Variants in MCF2L2 observed in about 807,000 individuals in gnomAD.
MCF2L2 encodes probable guanine nucleotide exchange factor MCF2L2.
In MCF2L2, 102 loss-of-function variants were observed where a neutral mutation model predicts 150.2. The ratio of observed to expected loss-of-function variants is 0.68; its 90% CI spans 0.58 to 0.80. The LOEUF is 0.80. Among genes scored for constraint, MCF2L2 ranks in the 30% least tolerant of loss-of-function variants. The pLI is 0.00. For synonymous variants in MCF2L2, 465 were observed against 491.3 expected, an observed-to-expected ratio of 0.95 and a Z score of 0.71; for missense variants, 1,256 against 1,372.8, an observed-to-expected ratio of 0.91 and a Z score of 1.34.
intron 3 of MCF2L2, chr3:183,376,593 G>T (rs1044187096): frequency 6.6e-6 from 1 of 152,250 alleles, no homozygotes; most frequent in Admixed American, 6.5e-5. Context: ...CCTTCTCACT[G>T]TAGGAATGGA....
At chr3:183,360,802 T>C (rs1712087967) in intron 3 of MCF2L2, among the ~76,000 whole-genome samples, 1 of 151,862 alleles carries the variant, frequency 6.6e-6, no homozygotes, top group Admixed American at 6.6e-5. Context: ...AGACCTCATC[T>C]CTACTAAAAA....
chr3:183,203,876 C>T (rs186529985), intron 25 of MCF2L2, among the ~76,000 whole-genome samples: 16 of 152,296 alleles, frequency 1.1e-4, no homozygotes, highest in Non-Finnish European at 1.9e-4. Context: ...AGATTAACAG[C>T]TGATTTCTAT....
At chr3:183,298,765 G>GCGCGCACGCGCGCGCACACACACACACA in intron 11 of MCF2L2, 1 of 138,500 alleles carries the variant, frequency 7.2e-6, no homozygotes, top group East Asian at 2.3e-4. Context: ...AAACACACAT[G>GCGCGCACGCGCGCGCACACACACACACA]CACACACACA....
intron 10 of MCF2L2, 26 bp from the exon 11 acceptor site, chr3:183,300,222 G>A (rs1258160472): frequency 1.3e-6 from 2 of 1,575,340 alleles, no homozygotes. Context: ...CCACAGCCAG[G>A]CGTCAGAAGT....
intron 5 of MCF2L2, among the ~76,000 whole-genome samples, chr3:183,336,182 T>A (rs1303948300): frequency 1.4e-4 from 20 of 140,742 alleles, no homozygotes; most frequent in Admixed American, 1.4e-3. Context: ...AAAAATATTA[T>A]TCTAAGTAAA....
In MCF2L2 at chr3:183,248,843, A is replaced by G. The variant is rs1257562611; in HGVS notation, c.1863-17826T>C. On this transcript the variant is annotated intron_variant, in intron 15 of 29. Transcript: ENST00000328913. ...ACAGCGAGACCCTGTCTCAAAAAAA[A>G]TGTATATTTTTAAAAAAAGAAAATT... Among the ~76,000 whole-genome samples, 5 of 152,178 alleles carry G rather than the reference A, an allele frequency of 3.3e-5. No homozygotes were observed. In the South Asian group the frequency reaches 6.2e-4, roughly 19 times the overall value.
At chr3:183,211,866 G>C (rs1169880313) in intron 22 of MCF2L2, among the ~76,000 whole-genome samples, 1 of 152,160 alleles carries the variant, frequency 6.6e-6, no homozygotes, top group Non-Finnish European at 1.5e-5. Context: ...CGACGCCCCT[G>C]TACTGGGTTG....
intron 1 of MCF2L2, among the ~76,000 whole-genome samples, chr3:183,395,332 T>C (rs1036651689): frequency 5.3e-5 from 8 of 152,180 alleles, no homozygotes; most frequent in African/African-American, 1.9e-4. Context: ...GGTGAGATTA[T>C]AGTCAGATTT....
intron 1 of MCF2L2, among the ~76,000 whole-genome samples, chr3:183,418,953 T>C (rs1458117132): frequency 1.3e-5 from 2 of 152,232 alleles, no homozygotes; most frequent in African/African-American, 2.4e-5. Flanking sequence ...GGGACTCTTA[T>C]TTCTCCTCCA....
intron 2 of MCF2L2, 61 bp from the exon 3 acceptor site, chr3:183,379,472 G>T: frequency 8.5e-7 from 1 of 1,169,964 alleles, no homozygotes; most frequent in East Asian, 2.5e-5. Flanking sequence ...ACCTCTGCAG[G>T]GAAGTTGGGC....
chr3:183,370,769 A>ACTAC (rs1553789575), intron 3 of MCF2L2, among the ~76,000 whole-genome samples: 4 of 152,182 alleles, frequency 2.6e-5, no homozygotes, highest in South Asian at 2.1e-4. Flanking sequence ...CAATTTACTT[A>ACTAC]AATTCTCGTG....
intron 3 of MCF2L2, among the ~76,000 whole-genome samples, chr3:183,362,435 C>A (rs969820159): frequency 1.3e-5 from 2 of 152,020 alleles, no homozygotes; most frequent in African/African-American, 2.4e-5. Flanking sequence ...AAGAGATAAT[C>A]TGTACTGAAA....
At chr3:183,426,052 T>C (rs1716148868) in intron 1 of MCF2L2, among the ~76,000 whole-genome samples, 1 of 152,104 alleles carries the variant, frequency 6.6e-6, no homozygotes, top group African/African-American at 2.4e-5. Flanking sequence ...ACAGGTTTTA[T>C]TAGATTAAGT....
At chr3:183,321,602 A>C (rs930543510) in intron 6 of MCF2L2, among the ~76,000 whole-genome samples, 1 of 152,240 alleles carries the variant, frequency 6.6e-6, no homozygotes, top group Non-Finnish European at 1.5e-5. Flanking sequence ...AGTTGCCACG[A>C]AACTTCAATT....
chr3:183,223,136 C>T (rs1285274937), intron 20 of MCF2L2, among the ~76,000 whole-genome samples: 3 of 152,150 alleles, frequency 2.0e-5, no homozygotes, highest in Non-Finnish European at 4.4e-5. Context: ...CTAGTGAGGC[C>T]CTCAGGTGCC....
In MCF2L2 at chr3:183,179,609, C is replaced by G. The variant is rs769857394; in HGVS notation, c.3189G>C (p.Gln1063His). ...SAFLERGESS[Q>H]GEKEERDEEE... Reference sequence around the variant, plus strand: ...CCTCATCGCGTTCTTCTTTTTCTCCCTGGCTGCTTTCTCCCCTCTCCAGGA... The same window carrying G: ...CCTCATCGCGTTCTTCTTTTTCTCCGTGGCTGCTTTCTCCCCTCTCCAGGA... Residue 1063 changes from glutamine to histidine, a missense_variant, in exon 29 of 30, where the codon CAG (glutamine) becomes CAC (histidine). By Grantham distance (24) the Gln-to-His change is conservative (BLOSUM62 0). Coordinates refer to ENST00000328913, the MANE Select transcript of MCF2L2 (RefSeq NM_015078.4). The surrounding 1 kb of genome is among the most constrained non-coding windows in gnomAD (Gnocchi z 4.2). 6.2e-7 allele frequency: 1 copy of G among 1,614,162 alleles called. No homozygotes were observed. The highest frequency in any genetic ancestry group is 1.1e-5 in the South Asian group (1 of 91,084).
intron 27 of MCF2L2, among the ~76,000 whole-genome samples, chr3:183,190,234 A>G (rs978105955): frequency 6.6e-6 from 1 of 152,176 alleles, no homozygotes; most frequent in Non-Finnish European, 1.5e-5. Context: ...ATCTGATCCC[A>G]GGTCACCACA....
Position 183,223,417 on chromosome 3 carries a change from G to A in MCF2L2, c.2230C>T (p.His744Tyr). 1.2e-6 allele frequency: 2 copies of A among 1,614,032 alleles called. No individual in the cohort carries two copies. The highest frequency in any genetic ancestry group is 1.7e-6 in the Non-Finnish European group (2 of 1,179,870). The change falls in exon 20 of 30, where the codon CAC (histidine) becomes TAC (tyrosine). Residue 744 changes from histidine to tyrosine, a missense_variant. Coordinates refer to ENST00000328913, the MANE Select transcript of MCF2L2 (RefSeq NM_015078.4). ...YFGVCQRQLD[H>Y]NLPLFKYLKG... ...AGATACTTAAAAAGAGGGAGATTGT[G>A]ATCCAGTTGGCGCTGGCATACCTTT...
chr3:183,368,749 G>A (rs1035726449), intron 3 of MCF2L2, among the ~76,000 whole-genome samples: 12 of 152,136 alleles, frequency 7.9e-5, no homozygotes, highest in African/African-American at 2.9e-4. Flanking sequence ...GGGCGACAGA[G>A]CAAACAAACA....
Sources: gnomAD v4.1 joint callset for allele counts (sites outside exome capture counted in the v4.1 genomes callset) on GRCh38, gnomAD v4.1.1 for gene constraint, Gnocchi (gnomAD v3.1) non-coding constraint, MANE v1.5 for transcripts, NCBI Gene and HGNC (gene_info 2026-07-23, HGNC 2026-07-21) for gene names.